The following FAT3 variants were observed in gnomAD, a reference collection of about 807,000 sequenced individuals.
FAT3 encodes FAT atypical cadherin 3, also known as protocadherin Fat 3.
A neutral mutation model predicts 310.2 loss-of-function variants in FAT3; 95 were observed. The ratio of observed to expected loss-of-function variants is 0.31; its 90% CI spans 0.26 to 0.36. The LOEUF (loss-of-function observed/expected upper bound fraction) is 0.36, where lower values mean the gene tolerates loss of function less well. Ranked by LOEUF, FAT3 falls within the 10% of genes least tolerant of loss-of-function variation. FAT3 has a pLI of 1.00. For synonymous variants in FAT3, 2,314 were observed against 2,192.9 expected (o/e 1.06, Z -1.54); for missense variants, 5,408 against 5,715.6 (o/e 0.95, Z 1.74).
intron 3 of FAT3, among the ~76,000 whole-genome samples, chr11:92,608,872 G>T (rs2135615406): frequency 6.6e-6 from 1 of 152,202 alleles, no homozygotes; most frequent in African/African-American, 2.4e-5. Flanking sequence ...CCCTTTGCAG[G>T]GGCCTGCTGG....
chr11:92,641,229 G>A (rs1418696521), intron 3 of FAT3, among the ~76,000 whole-genome samples: 1 of 151,930 alleles, frequency 6.6e-6, no homozygotes, highest in Non-Finnish European at 1.5e-5. Context: ...CATATACTAT[G>A]CATTCTCTCT....
At position 92,255,341 on chromosome 11, in the gene FAT3, T is replaced by TA. The variant is rs201587803; in HGVS notation, c.-18+30181dup. ...AATTTTTTATTTTAGGGTTTTTTTT[T>TA]AAAAAAAAAAAAAAGGAAAAACTCT... is the stretch of plus-strand genomic sequence containing the variant. On this transcript the variant is annotated intron_variant, in intron 1 of 27. Coordinates refer to ENST00000525166, the MANE Select transcript of FAT3 (RefSeq NM_001367949.2). 4.7e-3 allele frequency among the ~76,000 whole-genome samples: 686 copies of TA among 144,448 alleles called. 19 individuals are homozygous for TA. In the East Asian group the frequency reaches 0.082, roughly 17 times the overall value. The allele number at this position is 144,448 out of a possible 152,430, so 94.8% of individuals were successfully genotyped here. A position where few individuals can be genotyped will look rare whatever the true frequency, so the allele number is the denominator to read the frequency against.
At chr11:92,656,402 A>T (rs996580158) in intron 3 of FAT3, among the ~76,000 whole-genome samples, 1 of 152,194 alleles carries the variant, frequency 6.6e-6, no homozygotes, top group African/African-American at 2.4e-5. Flanking sequence ...CCTCCAATGT[A>T]TAGATGCTTT....
chr11:92,882,144 T>C (rs1206862029), intron 23 of FAT3, among the ~76,000 whole-genome samples: 1 of 152,204 alleles, frequency 6.6e-6, no homozygotes, highest in African/African-American at 2.4e-5. Context: ...CAAACTAATT[T>C]GGTGGCAAAA....
chr11:92,270,004 G>A (rs950903614), intron 1 of FAT3, among the ~76,000 whole-genome samples: 1 of 152,098 alleles, frequency 6.6e-6, no homozygotes, highest in Non-Finnish European at 1.5e-5. Context: ...AGGCATCTGA[G>A]GAATCAGATG....
chr11:92,799,649 T>C lies in FAT3; in HGVS notation c.6636T>C (p.Ser2212=). The change falls in exon 10 of 28, where the codon AGT becomes AGC. Residue 2212 remains serine, a synonymous_variant. Coordinates refer to ENST00000525166, the MANE Select transcript of FAT3 (RefSeq NM_001367949.2). ...CCATCCTAAGCATCAATGCCACCAGTCCAGAAGGCCAAGGCATCATATATA... is the reference window on the plus strand; with the variant it reads ...CCATCCTAAGCATCAATGCCACCAGCCCAGAAGGCCAAGGCATCATATATA... The part of the protein sequence containing the change: ...NTPILSINAT[S]PEGQGIIYII... The C allele has an allele frequency of 3.1e-6, 5 of 1,613,756 alleles. No individual in the cohort carries two copies. In the South Asian group the frequency reaches 4.4e-5, roughly 14 times the overall value.
At chr11:92,390,081 G>A (rs1014168924) in intron 2 of FAT3, among the ~76,000 whole-genome samples, 2 of 151,964 alleles carry the variant, frequency 1.3e-5, no homozygotes, top group Admixed American at 6.6e-5. Flanking sequence ...AGTTTTAAAA[G>A]CAAAGTTTTT....
intron 2 of FAT3, among the ~76,000 whole-genome samples, chr11:92,524,313 C>T (rs550063615): frequency 6.6e-6 from 1 of 152,046 alleles, no homozygotes; most frequent in African/African-American, 2.4e-5. Flanking sequence ...CTGGCCCAAC[C>T]TCTTCTCATT....
intron 1 of FAT3, among the ~76,000 whole-genome samples, chr11:92,244,387 G>T (rs899122990): frequency 6.6e-6 from 1 of 152,042 alleles, no homozygotes; most frequent in Middle Eastern, 3.2e-3. Context: ...CCCAAATGTT[G>T]CACGAGACAT....
intron 1 of FAT3, among the ~76,000 whole-genome samples, chr11:92,342,280 A>G (rs1948283871): frequency 6.6e-6 from 1 of 152,054 alleles, no homozygotes; most frequent in Non-Finnish European, 1.5e-5. Context: ...TGGCAGCTCT[A>G]CGTATGCCCA....
At chr11:92,260,305 G>C (rs12280784) in intron 1 of FAT3, among the ~76,000 whole-genome samples, 34,089 of 151,868 alleles carry the variant, frequency 0.22, 4,669 homozygotes, top group East Asian at 0.37. Context: ...ACCCAAACTC[G>C]TATTTCTCTT....
At chr11:92,392,168 A>G (rs752461090) in intron 2 of FAT3, among the ~76,000 whole-genome samples, 2 of 152,148 alleles carry the variant, frequency 1.3e-5, no homozygotes, top group Non-Finnish European at 2.9e-5. Context: ...ACGCACGCAC[A>G]CACGTTATAT....
At chr11:92,621,126 C>T (rs935797884) in intron 3 of FAT3, among the ~76,000 whole-genome samples, 1 of 152,146 alleles carries the variant, frequency 6.6e-6, no homozygotes, top group Non-Finnish European at 1.5e-5. Flanking sequence ...CAATCACCAT[C>T]CCAAATCAAG....
chr11:92,556,162 T>A (rs1033561887), intron 3 of FAT3, among the ~76,000 whole-genome samples: 1 of 152,224 alleles, frequency 6.6e-6, no homozygotes, highest in African/African-American at 2.4e-5. Context: ...TGCACTTTTC[T>A]GGAAACCATA....
intron 2 of FAT3, among the ~76,000 whole-genome samples, chr11:92,404,000 A>G (rs543992188): frequency 5.1e-4 from 77 of 151,890 alleles, no homozygotes; most frequent in Non-Finnish European, 6.2e-4. Flanking sequence ...GTGCCACTGC[A>G]CTCCAGCCTG....
chr11:92,551,552 A>G (rs1954823776), intron 3 of FAT3, among the ~76,000 whole-genome samples: 1 of 152,004 alleles, frequency 6.6e-6, no homozygotes, highest in Admixed American at 6.6e-5. Flanking sequence ...GACTCCTGCT[A>G]TTGTAGAAAT....
At chr11:92,736,412 T>A (rs1201027621) in intron 4 of FAT3, among the ~76,000 whole-genome samples, 1 of 152,110 alleles carries the variant, frequency 6.6e-6, no homozygotes, top group East Asian at 1.9e-4. Context: ...CAGGTAATCA[T>A]GAAGATGATT....
At chr11:92,551,911 T>G (rs774452896) in intron 3 of FAT3, among the ~76,000 whole-genome samples, 1 of 152,372 alleles carries the variant, frequency 6.6e-6, no homozygotes, top group South Asian at 2.1e-4. Context: ...AATAATGTTT[T>G]ATACTAGAGC....
At chr11:92,312,304 C>T (rs1360599529) in intron 1 of FAT3, among the ~76,000 whole-genome samples, 1 of 152,186 alleles carries the variant, frequency 6.6e-6, no homozygotes, top group East Asian at 1.9e-4. Flanking sequence ...AATGTTTTCG[C>T]AGTAGTCTGA....
Sources: gnomAD v4.1 joint callset for allele counts (sites outside exome capture counted in the v4.1 genomes callset) on GRCh38, gnomAD v4.1.1 for gene constraint, MANE v1.5 for transcripts, NCBI Gene and HGNC (gene_info 2026-07-23, HGNC 2026-07-21) for gene names.